The following SLC25A12 variants were observed in gnomAD, a reference collection of about 807,000 sequenced individuals.
The protein encoded by SLC25A12 is electrogenic aspartate/glutamate antiporter SLC25A12, mitochondrial.
SLC25A12 carries 32 observed loss-of-function variants against 83.3 expected under a neutral mutation model. The ratio of observed to expected loss-of-function variants is 0.38; its 90% CI spans 0.29 to 0.52. SLC25A12 has a LOEUF of 0.52. Ranked by LOEUF, SLC25A12 falls within the 20% of genes least tolerant of loss-of-function variation. The probability of loss-of-function intolerance (pLI) is 0.84; values close to 1 mark genes in which losing one functional copy is unlikely to be tolerated. For synonymous variants in SLC25A12, 267 were observed against 291.1 expected (o/e 0.92, Z 0.84); for missense variants, 611 against 835.6 (o/e 0.73, Z 3.31).
chr2:171,815,078 A>G (rs1463111458), intron 10 of SLC25A12, 43 bp downstream of exon 10: 1 of 1,479,480 alleles, frequency 6.8e-7, no homozygotes, highest in Non-Finnish European at 9.5e-7. Flanking sequence ...AGATAATATT[A>G]CATTAACACA....
At chr2:171,799,328 G>C (rs1334258745) in intron 13 of SLC25A12, among the ~76,000 whole-genome samples, 1 of 152,194 alleles carries the variant, frequency 6.6e-6, no homozygotes, top group Non-Finnish European at 1.5e-5. Context: ...TTTTCAACTT[G>C]TATGCATATC....
chr2:171,868,876 T>C (rs1230396846), intron 2 of SLC25A12, 53 bp from the exon 3 acceptor site: 4 of 1,433,328 alleles, frequency 2.8e-6, no homozygotes, highest in Non-Finnish European at 3.9e-6. Flanking sequence ...TATCATTTTA[T>C]ATCCAATAAA....
intron 15 of SLC25A12, among the ~76,000 whole-genome samples, chr2:171,791,210 T>G (rs1484249171): frequency 6.6e-6 from 1 of 152,170 alleles, no homozygotes; most frequent in African/African-American, 2.4e-5. Context: ...CCAATTTAGA[T>G]GGGCAGATCT....
intron 9 of SLC25A12, among the ~76,000 whole-genome samples, chr2:171,816,081 T>C (rs1574693315): frequency 1.3e-5 from 2 of 150,256 alleles, no homozygotes; most frequent in East Asian, 3.9e-4. Context: ...TTTTTTTTTT[T>C]TGGAGACAGG....
intron 3 of SLC25A12, among the ~76,000 whole-genome samples, chr2:171,859,404 C>T (rs1038369363): frequency 2.0e-5 from 3 of 152,242 alleles, no homozygotes; most frequent in South Asian, 4.1e-4. Flanking sequence ...CCCACAAGTT[C>T]GAGGCTGCAA....
At position 171,837,166 on chromosome 2, in the gene SLC25A12, A is replaced by G. The variant is rs527951238; in HGVS notation, c.567T>C (p.Ile189=). The change falls in exon 6 of 18, where the codon ATT becomes ATC. Residue 189 remains isoleucine (I), a synonymous_variant. Coordinates refer to ENST00000422440, the MANE Select transcript of SLC25A12 (RefSeq NM_003705.5). ...GLDFSDIMVT[I]RSHMLTPFVE... The stretch of plus-strand genomic sequence containing the variant: ...CAAAAGGAGTAAGCATGTGAGATCT[A>G]ATGGTAACCATGATGTCACTGAAAT... 6.2e-6 allele frequency: 10 copies of G among 1,614,020 alleles called. No individual in the cohort carries two copies. In the Admixed American group the frequency reaches 8.3e-5, roughly 13 times the overall value.
chr2:171,869,251 T>C (rs548619981), intron 2 of SLC25A12, among the ~76,000 whole-genome samples: 4 of 152,336 alleles, frequency 2.6e-5, no homozygotes, highest in East Asian at 3.9e-4. Context: ...TGGAATTAGA[T>C]AGTGGTAACA....
intron 12 of SLC25A12, 44 bp from the exon 13 acceptor site, chr2:171,809,730 T>C (rs1374259742): frequency 1.4e-6 from 2 of 1,403,878 alleles, no homozygotes; most frequent in Non-Finnish European, 2.0e-6. Flanking sequence ...TCCCAACCAT[T>C]TCTCTTCTGG....
At chr2:171,884,840 C>T (rs1161463605) in intron 2 of SLC25A12, among the ~76,000 whole-genome samples, 1 of 152,044 alleles carries the variant, frequency 6.6e-6, no homozygotes, top group Non-Finnish European at 1.5e-5. Flanking sequence ...TGTCCCTACC[C>T]TCACTAAACA....
intron 9 of SLC25A12, among the ~76,000 whole-genome samples, chr2:171,820,457 G>A (rs925292569): frequency 4.6e-5 from 7 of 151,782 alleles, no homozygotes; most frequent in Non-Finnish European, 7.4e-5. Context: ...GGCCGGGCGC[G>A]GTGGCTCACG....
At chr2:171,813,245 C>T in intron 11 of SLC25A12, 94 bp downstream of exon 11, 1 of 1,265,322 alleles carries the variant, frequency 7.9e-7, no homozygotes, top group Non-Finnish European at 1.2e-6. Flanking sequence ...TCTGGCTAGG[C>T]ATACTACATA....
intron 2 of SLC25A12, among the ~76,000 whole-genome samples, chr2:171,884,259 C>A (rs892861976): frequency 6.7e-6 from 1 of 150,180 alleles, no homozygotes; most frequent in East Asian, 2.0e-4. Flanking sequence ...GACACGATCT[C>A]GGCTCACTGC....
intron 13 of SLC25A12, among the ~76,000 whole-genome samples, chr2:171,802,669 G>C (rs1011568327): frequency 6.6e-6 from 1 of 152,158 alleles, no homozygotes; most frequent in Non-Finnish European, 1.5e-5. Flanking sequence ...CCAACTACTC[G>C]GGAGGCTGAG....
chr2:171,828,574 A>G (rs1684362073), intron 8 of SLC25A12, among the ~76,000 whole-genome samples: 1 of 152,086 alleles, frequency 6.6e-6, no homozygotes, highest in South Asian at 2.1e-4. Context: ...CACAGGGTCC[A>G]CTGTCATGGT....
chr2:171,869,129 C>A (rs1685405683), intron 2 of SLC25A12, among the ~76,000 whole-genome samples: 2 of 151,968 alleles, frequency 1.3e-5, no homozygotes, highest in South Asian at 4.2e-4. Context: ...ATAGGCAAGA[C>A]CATAGAATCA....
At chr2:171,833,912 T>C in intron 8 of SLC25A12, 51 bp downstream of exon 8, 1 of 1,134,882 alleles carries the variant, frequency 8.8e-7, no homozygotes, top group South Asian at 1.2e-5. Context: ...CTGCTTCACA[T>C]TTTAGAACTA....
intron 3 of SLC25A12, among the ~76,000 whole-genome samples, chr2:171,867,237 C>T (rs1685350419): frequency 6.7e-6 from 1 of 148,272 alleles, no homozygotes; most frequent in African/African-American, 2.5e-5. Flanking sequence ...GGGTGGCGGC[C>T]GGGCAGAGGC....
At chr2:171,853,200 A>T (rs1427412719) in intron 4 of SLC25A12, among the ~76,000 whole-genome samples, 2 of 152,270 alleles carry the variant, frequency 1.3e-5, no homozygotes, top group East Asian at 1.9e-4. Context: ...ATTCCATAAT[A>T]ATATTCCTGT....
At chr2:171,789,767 G>A (rs553804509) in intron 15 of SLC25A12, among the ~76,000 whole-genome samples, 9 of 152,140 alleles carry the variant, frequency 5.9e-5, no homozygotes, top group African/African-American at 1.9e-4. Context: ...GGTGGTACAC[G>A]CCTGTAGTCC....
Sources: allele counts gnomAD v4.1 joint callset (sites outside exome capture counted in the v4.1 genomes callset), GRCh38; gene constraint gnomAD v4.1.1; transcripts MANE v1.5; gene names NCBI Gene and HGNC (gene_info 2026-07-23, HGNC 2026-07-21).